The following TBC1D8 variants were observed in gnomAD, a reference collection of about 807,000 sequenced individuals.
TBC1D8 encodes TBC1 domain family member 8, also known as BUB2-like protein 1.
In TBC1D8, 65 loss-of-function variants were observed where a neutral mutation model predicts 118.8. That is an observed-to-expected ratio of 0.55 (90% CI 0.45 to 0.67). The LOEUF (loss-of-function observed/expected upper bound fraction) is 0.67. Ranked by LOEUF, TBC1D8 falls within the 30% of genes least tolerant of loss-of-function variation. TBC1D8 has a pLI of 0.00. For synonymous variants in TBC1D8, 566 were observed against 595.8 expected, an observed-to-expected ratio of 0.95 and a Z score of 0.73; for missense variants, 1,376 against 1,471.2, an observed-to-expected ratio of 0.94 and a Z score of 1.06.
In TBC1D8 at chr2:101,027,455, G is replaced by A; in HGVS notation, c.2452-4C>T. 6.2e-7 allele frequency: 1 copy of A among 1,612,552 alleles called. No homozygotes were observed. Among genetic ancestry groups the A allele is most frequent in the Admixed American group, 1.7e-5 (1 of 59,998 alleles). On this transcript the variant is annotated splice_polypyrimidine_tract_variant and splice_region_variant and intron_variant, in intron 14 of 19. Coordinates refer to ENST00000409318, the MANE Select transcript of TBC1D8 (RefSeq NM_001330348.2). ...CTTCCGGGATAACGACTCGAAGCTT[G>A]AGGAAAGAATAAACAGCAATGGCGT...
Position 101,033,620 on chromosome 2 carries a change from T to C in TBC1D8, c.1742A>G (p.Asn581Ser), listed in dbSNP as rs1457518297. The change falls in exon 10 of 20, where the codon AAC becomes AGC. Residue 581 changes from asparagine to serine, a missense_variant. Asn to Ser is a conservative substitution (Grantham distance 46, BLOSUM62 1). Transcript: ENST00000409318. ...CCTCAAAGCAGCAATTCCCGTTTCG[T>C]TCTGGAAGGCGGGGTGCTCTGGCAG... ...RSLPEHPAFQNETGIAALRRV... is the reference protein window; with the variant it reads ...RSLPEHPAFQSETGIAALRRV... 1 of 1,613,798 alleles carries C rather than the reference T, an allele frequency of 6.2e-7. No individual in the cohort carries two copies. The highest frequency in any genetic ancestry group is 8.5e-7 in the Non-Finnish European group (1 of 1,179,890).
chr2:101,046,515 T>G (rs1681714592), intron 5 of TBC1D8, among the ~76,000 whole-genome samples: 1 of 152,060 alleles, frequency 6.6e-6, no homozygotes, highest in African/African-American at 2.4e-5. Flanking sequence ...TCTTGCAAGG[T>G]GGGGCCTGTC....
At chr2:101,019,143 T>G in intron 17 of TBC1D8, 1 of 1,481,606 alleles carries the variant, frequency 6.7e-7, no homozygotes. Flanking sequence ...GACGTCTGTC[T>G]CCCATATTAC....
At chr2:101,026,918 T>C (rs906026230) in intron 15 of TBC1D8, among the ~76,000 whole-genome samples, 7 of 151,958 alleles carry the variant, frequency 4.6e-5, no homozygotes, top group Non-Finnish European at 8.8e-5. Flanking sequence ...TAAGGAAAAA[T>C]AGAATATGAA....
intron 1 of TBC1D8, among the ~76,000 whole-genome samples, chr2:101,118,884 G>A (rs1677973837): frequency 6.6e-6 from 1 of 151,976 alleles, no homozygotes; most frequent in Non-Finnish European, 1.5e-5. Flanking sequence ...GTGGCACACA[G>A]CCTATGGTCC....
At chr2:101,052,066 G>A (rs1040031876) in intron 4 of TBC1D8, among the ~76,000 whole-genome samples, 2 of 152,208 alleles carry the variant, frequency 1.3e-5, no homozygotes, top group African/African-American at 4.8e-5. Flanking sequence ...AACTTCAACA[G>A]TTATGCAAAA....
intron 1 of TBC1D8, among the ~76,000 whole-genome samples, chr2:101,095,684 G>T (rs899990436): frequency 6.6e-6 from 1 of 152,038 alleles, no homozygotes; most frequent in African/African-American, 2.4e-5. Context: ...AAGTCAGTGT[G>T]GTGATTCCTC....
At chr2:101,116,985 G>A (rs1677849315) in intron 1 of TBC1D8, among the ~76,000 whole-genome samples, 2 of 152,188 alleles carry the variant, frequency 1.3e-5, no homozygotes, top group Middle Eastern at 3.4e-3. Flanking sequence ...CATACTGGAG[G>A]TGGTAGGCCC....
chr2:101,136,213 G>A (rs1678849870), intron 1 of TBC1D8, among the ~76,000 whole-genome samples: 1 of 152,096 alleles, frequency 6.6e-6, no homozygotes, highest in Non-Finnish European at 1.5e-5. Flanking sequence ...TTTGGGCCAT[G>A]GGGGTGGATC....
intron 15 of TBC1D8, 129 bp downstream of exon 15, chr2:101,027,254 G>A (rs1680389068): frequency 2.6e-6 from 2 of 758,012 alleles, no homozygotes; most frequent in Admixed American, 2.4e-5. Flanking sequence ...ACAGCTTCAA[G>A]GGGGGCAGCT....
chr2:101,103,351 G>T (rs1253583481), intron 1 of TBC1D8, among the ~76,000 whole-genome samples: 9 of 123,432 alleles, frequency 7.3e-5, no homozygotes, highest in Admixed American at 3.3e-4. Flanking sequence ...GGGGAAGCAG[G>T]AAACAAAAAA....
chr2:101,145,062 T>C (rs1679263662), intron 1 of TBC1D8, among the ~76,000 whole-genome samples: 1 of 152,238 alleles, frequency 6.6e-6, no homozygotes, highest in Non-Finnish European at 1.5e-5. Flanking sequence ...GCTACCAGCC[T>C]CTCAATAATT....
intron 2 of TBC1D8, among the ~76,000 whole-genome samples, chr2:101,070,415 G>A (rs2105435587): frequency 1.6e-5 from 1 of 63,624 alleles, no homozygotes; most frequent in African/African-American, 9.3e-5. Flanking sequence ...AAACAAATCT[G>A]ATTTTTTTTT....
At chr2:101,094,823 G>T (rs1248242245) in intron 1 of TBC1D8, among the ~76,000 whole-genome samples, 1 of 152,122 alleles carries the variant, frequency 6.6e-6, no homozygotes, top group East Asian at 1.9e-4. Context: ...ACAAAGACAA[G>T]GTGAACAAAT....
chr2:101,075,390 C>CAA (rs11443594), intron 2 of TBC1D8, among the ~76,000 whole-genome samples: 83,357 of 132,904 alleles, frequency 0.63, 26,542 homozygotes, highest in Middle Eastern at 0.76. Context: ...GACTCCATCT[C>CAA]AAAAAAAAAA....
At chr2:101,046,164 C>A (rs553945357) in intron 5 of TBC1D8, among the ~76,000 whole-genome samples, 4 of 151,906 alleles carry the variant, frequency 2.6e-5, no homozygotes, top group Non-Finnish European at 5.9e-5. Flanking sequence ...CTTCTGTGAC[C>A]CCCCCAGGAG....
At position 101,037,699 on chromosome 2, in the gene TBC1D8, C is replaced by T. The variant is rs150964994; in HGVS notation, c.1285G>A (p.Val429Met). ...TSADDDMASL[V>M]FHSTSMCSDH... ...CTGCACATGCTTGTTGAATGAAACA[C>T]GAGTGAAGCCTGCACAGCAAGAGAG... Residue 429 changes from valine (V) to methionine (M), a missense_variant, in exon 8 of 20, where the codon GTG (valine) becomes ATG (methionine). Transcript: ENST00000409318. 1,198 of 1,613,068 alleles carry T rather than the reference C, an allele frequency of 7.4e-4. 8 individuals carry two copies. Among genetic ancestry groups the T allele is most frequent in the East Asian group, 8.2e-4 (37 of 44,884 alleles).
chr2:101,149,474 C>A (rs574772352), intron 1 of TBC1D8, among the ~76,000 whole-genome samples: 1 of 152,162 alleles, frequency 6.6e-6, no homozygotes, highest in Non-Finnish European at 1.5e-5. Context: ...GGGCCTCTTT[C>A]CAGAGCAGCG....
chr2:101,019,087 TG>T, intron 17 of TBC1D8: 3 of 1,585,290 alleles, frequency 1.9e-6, no homozygotes, highest in Middle Eastern at 3.4e-4. Flanking sequence ...GGCTCTTCAT[TG>T]CTTCCTGAGC....
Sources: gnomAD v4.1 joint callset for allele counts (sites outside exome capture counted in the v4.1 genomes callset) on GRCh38, gnomAD v4.1.1 for gene constraint, MANE v1.5 for transcripts, NCBI Gene and HGNC (gene_info 2026-07-23, HGNC 2026-07-21) for gene names.